Variants in GABRA3 observed in about 807,000 individuals in gnomAD.
GABRA3 encodes gamma-aminobutyric acid receptor subunit alpha-3.
A neutral mutation model predicts 30.1 loss-of-function variants in GABRA3; 10 were observed. The observed-to-expected ratio is 0.33, with a 90% CI of 0.20 to 0.56. The LOEUF (loss-of-function observed/expected upper bound fraction) is 0.56, where lower values mean the gene tolerates loss of function less well. Ranked by LOEUF, GABRA3 falls within the 20% of genes least tolerant of loss-of-function variation. The pLI, the probability that GABRA3 is intolerant of heterozygous loss-of-function variation, is 0.89. For missense variants in GABRA3, 233 were observed against 392.0 expected (o/e 0.59, Z 3.42); for synonymous variants, 151 against 146.8 (o/e 1.03, Z -0.21).
chrX:152,173,734 TG>T (rs776204883), intron 9 of GABRA3, among the ~76,000 whole-genome samples: 59 of 111,119 alleles, frequency 5.3e-4, no homozygotes, highest in African/African-American at 1.8e-3. Context: ...CCTCCCAAAG[TG>T]CTGGGATTAC....
chrX:152,267,865 C>T lies in GABRA3; in HGVS notation c.331-11867G>A, dbSNP rs182835408. Among the ~76,000 whole-genome samples the T allele has an allele frequency of 7.3e-5, 8 of 110,332 alleles. 1 individual carries two copies. The Admixed American group carries it at 7.8e-4, about 11-fold the overall frequency. ...CTCACTTGTGCTTCCTTTTTCATTTCTGATTTTATTTGGGTCTTCTCTCTT... is the reference window on the plus strand; with the variant it reads ...CTCACTTGTGCTTCCTTTTTCATTTTTGATTTTATTTGGGTCTTCTCTCTT... On this transcript the variant is annotated intron_variant, in intron 4 of 9. Coordinates refer to ENST00000370314, the MANE Select transcript of GABRA3 (RefSeq NM_000808.4).
At chrX:152,337,533 G>T (rs935252778) in intron 3 of GABRA3, among the ~76,000 whole-genome samples, 1 of 111,460 alleles carries the variant, frequency 9.0e-6, no homozygotes. Context: ...CAAATGACAG[G>T]AATTCATTAT....
In GABRA3 at chrX:152,180,402, T is replaced by G. The variant is rs943561776; in HGVS notation, c.1143+9328A>C. 6.2e-5 allele frequency among the ~76,000 whole-genome samples: 7 copies of G among 112,420 alleles called. No individual in the cohort carries two copies. In the East Asian group the frequency reaches 1.9e-3, roughly 31 times the overall value. ...TGAATTTTTAAATTGGGTTGTTTTCTTGCTATTGAGTTGTTTGGGTTCCTT... is the reference window on the plus strand; with the variant it reads ...TGAATTTTTAAATTGGGTTGTTTTCGTGCTATTGAGTTGTTTGGGTTCCTT... On this transcript the variant is annotated intron_variant, in intron 9 of 9. Coordinates refer to ENST00000370314, the MANE Select transcript of GABRA3 (RefSeq NM_000808.4).
intron 1 of GABRA3, among the ~76,000 whole-genome samples, chrX:152,393,731 C>T (rs1253695410): frequency 9.0e-6 from 1 of 111,568 alleles, no homozygotes; most frequent in Non-Finnish European, 1.9e-5. Context: ...ACTGTTAAAC[C>T]ACGATGTACA....
intron 3 of GABRA3, among the ~76,000 whole-genome samples, chrX:152,285,261 C>A (rs183911442): frequency 4.8e-4 from 54 of 112,089 alleles, no homozygotes; most frequent in African/African-American, 1.6e-3. Context: ...TGTGGTGCTA[C>A]AATAAAATTG....
intron 1 of GABRA3, among the ~76,000 whole-genome samples, chrX:152,438,275 T>A (rs968544563): frequency 8.0e-5 from 9 of 111,840 alleles, no homozygotes; most frequent in Non-Finnish European, 1.1e-4. Flanking sequence ...ACACACCTAT[T>A]AGAATGTCCA....
At chrX:152,426,971 CAT>C (rs1198922874) in intron 1 of GABRA3, among the ~76,000 whole-genome samples, 1 of 111,623 alleles carries the variant, frequency 9.0e-6, no homozygotes, top group Non-Finnish European at 1.9e-5. Flanking sequence ...ATTGTTGAAA[CAT>C]GATCTGTGTT....
At chrX:152,352,675 G>T (rs1940495481) in intron 2 of GABRA3, among the ~76,000 whole-genome samples, 1 of 111,804 alleles carries the variant, frequency 8.9e-6, no homozygotes, top group South Asian at 3.7e-4. Context: ...TCCTGGGAGA[G>T]AGCAGATTTT....
intron 3 of GABRA3, among the ~76,000 whole-genome samples, chrX:152,289,706 C>T (rs904821674): frequency 9.1e-6 from 1 of 109,673 alleles, no homozygotes; most frequent in East Asian, 2.9e-4. Flanking sequence ...GTGATGTTCC[C>T]TGCCCTGTGT....
rs773318623 is a variant in GABRA3, at chrX:152,306,167, T to C, written c.263-21432A>G. ...TATACCCTGTCAAATATCTAGACCC[T>C]TGGTAGTACCAAGTGTTGATAAGGA... On this transcript the variant is annotated intron_variant, in intron 3 of 9. Coordinates refer to ENST00000370314, the MANE Select transcript of GABRA3 (RefSeq NM_000808.4). Among the ~76,000 whole-genome samples, 4 of 112,146 alleles carry C rather than the reference T, an allele frequency of 3.6e-5. No individual in the cohort carries two copies. The East Asian group carries it at 1.1e-3, about 31-fold the overall frequency.
At chrX:152,342,151 G>A (rs56249243) in intron 3 of GABRA3, among the ~76,000 whole-genome samples, 18,699 of 111,847 alleles carry the variant, frequency 0.17, 1,206 homozygotes, top group African/African-American at 0.23. Flanking sequence ...GATTATAGGC[G>A]TGAGCCACCA....
intron 3 of GABRA3, among the ~76,000 whole-genome samples, chrX:152,337,722 G>A (rs1940254556): frequency 1.8e-5 from 2 of 111,524 alleles, no homozygotes; most frequent in African/African-American, 6.5e-5. Flanking sequence ...AGGAGGCTAA[G>A]GAAGGAAGAT....
intron 6 of GABRA3, among the ~76,000 whole-genome samples, chrX:152,212,113 T>G (rs2335878): frequency 0.15 from 14,835 of 98,789 alleles, 863 homozygotes; most frequent in Admixed American, 0.23. Context: ...AAGGAAACCG[T>G]CTCTGCAAAA....
At chrX:152,199,241 C>G (rs781347577) in intron 7 of GABRA3, among the ~76,000 whole-genome samples, 5 of 105,566 alleles carry the variant, frequency 4.7e-5, no homozygotes, top group African/African-American at 1.7e-4. Flanking sequence ...TGGCGGGCAC[C>G]TGTAGTCCCA....
chrX:152,282,864 T>C (rs1315281390), intron 4 of GABRA3, among the ~76,000 whole-genome samples: 4 of 112,129 alleles, frequency 3.6e-5, no homozygotes, highest in African/African-American at 1.3e-4. Flanking sequence ...TATGTGTATG[T>C]ATATTTGTCT....
intron 2 of GABRA3, among the ~76,000 whole-genome samples, chrX:152,346,537 A>G (rs1259423832): frequency 8.9e-6 from 1 of 112,113 alleles, no homozygotes; most frequent in Non-Finnish European, 1.9e-5. Flanking sequence ...GGAAGCAATC[A>G]ACAAAGTGAA....
intron 3 of GABRA3, among the ~76,000 whole-genome samples, chrX:152,305,103 G>A (rs1323826562): frequency 2.7e-5 from 3 of 109,510 alleles, no homozygotes; most frequent in Non-Finnish European, 5.7e-5. Flanking sequence ...GTATTTTGAC[G>A]TGTATATGTA....
intron 9 of GABRA3, among the ~76,000 whole-genome samples, chrX:152,182,447 C>T (rs1302565709): frequency 1.1e-5 from 1 of 87,711 alleles, no homozygotes; most frequent in Non-Finnish European, 2.2e-5. Context: ...TGTATACACA[C>T]TATATATAGT....
chrX:152,174,447 C>T (rs1937046149), intron 9 of GABRA3, among the ~76,000 whole-genome samples: 1 of 111,893 alleles, frequency 8.9e-6, no homozygotes, highest in Admixed American at 9.5e-5. Context: ...TCCTCTCCAG[C>T]ACCTGTTGTT....
Sources: allele counts gnomAD v4.1 joint callset (sites outside exome capture counted in the v4.1 genomes callset), GRCh38; gene constraint gnomAD v4.1.1; transcripts MANE v1.5; gene names NCBI Gene and HGNC (gene_info 2026-07-23, HGNC 2026-07-21).